Variants in PIK3CB observed in about 807,000 individuals in gnomAD.
PIK3CB encodes the protein phosphatidylinositol 4,5-bisphosphate 3-kinase catalytic subunit beta isoform.
In PIK3CB, 39 loss-of-function variants were observed where a neutral mutation model predicts 136.8. The observed-to-expected ratio is 0.29, with a 90% CI of 0.22 to 0.37. The LOEUF is 0.37. PIK3CB is among the 10% of genes least tolerant of loss of function. PIK3CB has a pLI of 1.00. For missense variants in PIK3CB, 868 were observed against 1,275.4 expected, an observed-to-expected ratio of 0.68 and a Z score of 4.87; for synonymous variants, 428 against 436.6, an observed-to-expected ratio of 0.98 and a Z score of 0.25.
chr3:138,748,374 T>C (rs1054422947), intron 4 of PIK3CB, among the ~76,000 whole-genome samples: 1 of 150,818 alleles, frequency 6.6e-6, no homozygotes, highest in Non-Finnish European at 1.5e-5. Flanking sequence ...AAACCTTCCC[T>C]TTTTTTTCAC....
At chr3:138,757,542 C>T (rs963891699) in intron 3 of PIK3CB, among the ~76,000 whole-genome samples, 2 of 138,128 alleles carry the variant, frequency 1.4e-5, no homozygotes, top group African/African-American at 5.5e-5. Flanking sequence ...CAAACAAGAT[C>T]GTATCTCTTA....
chr3:138,675,198 T>C lies in PIK3CB; in HGVS notation c.2504+6769A>G, dbSNP rs543834776. On this transcript the variant is annotated intron_variant, in intron 19 of 23. Coordinates refer to ENST00000674063, the MANE Select transcript of PIK3CB (RefSeq NM_006219.3). ...AACTGAAATTTTAAAATTCACCAGG[T>C]AGACACAACAGCAGATATGAGCATA... Among the ~76,000 whole-genome samples, 4 of 152,066 alleles carry C rather than the reference T, an allele frequency of 2.6e-5. No individual in the cohort carries two copies. In the East Asian group the frequency reaches 7.7e-4, roughly 29 times the overall value.
intron 2 of PIK3CB, among the ~76,000 whole-genome samples, chr3:138,791,920 A>T (rs547061457): frequency 6.6e-6 from 1 of 152,308 alleles, no homozygotes; most frequent in Non-Finnish European, 1.5e-5. Context: ...CAAGGTATAA[A>T]TCTTCAAAAT....
chr3:138,741,687 G>C (rs996981371), intron 5 of PIK3CB, among the ~76,000 whole-genome samples: 3 of 152,134 alleles, frequency 2.0e-5, no homozygotes, highest in African/African-American at 4.8e-5. Context: ...AATTAGCCAG[G>C]TGTGATGGCA....
chr3:138,663,373 A>C (rs573703766), intron 21 of PIK3CB, among the ~76,000 whole-genome samples: 1 of 152,136 alleles, frequency 6.6e-6, no homozygotes, highest in Non-Finnish European at 1.5e-5. Context: ...CTTTAACTAC[A>C]AAAATTTTTT....
intron 8 of PIK3CB, among the ~76,000 whole-genome samples, chr3:138,722,758 G>C (rs759513356): frequency 1.3e-5 from 2 of 150,304 alleles, no homozygotes; most frequent in African/African-American, 2.4e-5. Flanking sequence ...TACCATCTGT[G>C]TGAACAGCCA....
At chr3:138,779,672 C>A (rs934967744) in intron 2 of PIK3CB, among the ~76,000 whole-genome samples, 2 of 149,868 alleles carry the variant, frequency 1.3e-5, no homozygotes, top group African/African-American at 4.9e-5. Context: ...GGATTACAAG[C>A]ATGAAATCGC....
chr3:138,673,682 A>G (rs1369139295), intron 19 of PIK3CB, among the ~76,000 whole-genome samples: 1 of 151,984 alleles, frequency 6.6e-6, no homozygotes, highest in African/African-American at 2.4e-5. Context: ...GTTTATTTAA[A>G]ACACACACAC....
chr3:138,703,851 T>C (rs1269773619), intron 12 of PIK3CB, among the ~76,000 whole-genome samples: 1 of 152,204 alleles, frequency 6.6e-6, no homozygotes, highest in Non-Finnish European at 1.5e-5. Flanking sequence ...GATGCGTGTG[T>C]ACTTAGGCAT....
At chr3:138,662,027 C>T (rs1047344949) in intron 21 of PIK3CB, among the ~76,000 whole-genome samples, 1 of 151,982 alleles carries the variant, frequency 6.6e-6, no homozygotes, top group Admixed American at 6.6e-5. Flanking sequence ...TCTCCCTTCT[C>T]CCATATATAA....
At chr3:138,661,008 A>G (rs1343830186) in intron 21 of PIK3CB, among the ~76,000 whole-genome samples, 1 of 152,214 alleles carries the variant, frequency 6.6e-6, no homozygotes, top group African/African-American at 2.4e-5. Context: ...GGAACCAATC[A>G]GATTTCTAGA....
chr3:138,690,260 A>C (rs2043980168), intron 15 of PIK3CB, among the ~76,000 whole-genome samples: 1 of 151,980 alleles, frequency 6.6e-6, no homozygotes, highest in African/African-American at 2.4e-5. Context: ...GAAAAAGAAA[A>C]GAAAAGGAAG....
chr3:138,693,966 T>TATTA (rs1457395869), intron 14 of PIK3CB, among the ~76,000 whole-genome samples: 122 of 42,338 alleles, frequency 2.9e-3, no homozygotes, highest in Admixed American at 4.2e-3. Flanking sequence ...TATATATATA[T>TATTA]TATATATATA....
intron 2 of PIK3CB, among the ~76,000 whole-genome samples, chr3:138,791,411 AG>A (rs562144172): frequency 4.1e-4 from 63 of 152,260 alleles, no homozygotes; most frequent in Non-Finnish European, 7.6e-4. Context: ...TTGGGATTAC[AG>A]GCGTGAGCCA....
intron 12 of PIK3CB, among the ~76,000 whole-genome samples, chr3:138,702,104 AT>A (rs10706809): frequency 0.46 from 66,269 of 143,956 alleles, 16,877 homozygotes; most frequent in East Asian, 0.98. Flanking sequence ...TTGGTTTACA[AT>A]TTTTTTTTTT....
At chr3:138,774,507 G>A (rs942436947) in intron 2 of PIK3CB, among the ~76,000 whole-genome samples, 1 of 152,192 alleles carries the variant, frequency 6.6e-6, no homozygotes. Flanking sequence ...GACTAACTGA[G>A]GTGGGTGCTT....
chr3:138,682,260 T>A (rs935912708), intron 18 of PIK3CB, among the ~76,000 whole-genome samples: 1 of 152,254 alleles, frequency 6.6e-6, no homozygotes, highest in South Asian at 2.1e-4. Context: ...TTGTTTGCCA[T>A]GTGTAAGTTA....
intron 8 of PIK3CB, among the ~76,000 whole-genome samples, chr3:138,716,893 CAAAAAAAAAAAAAAAAA>C (rs376627250): frequency 3.6e-4 from 4 of 11,074 alleles, no homozygotes; most frequent in Admixed American, 1.1e-3. Flanking sequence ...GATTGTGTCT[CAAAAAAAAAAAAAAAAA>C]AAAAAAAAAA....
chr3:138,726,668 G>A (rs1307373319), intron 8 of PIK3CB, among the ~76,000 whole-genome samples: 1 of 152,138 alleles, frequency 6.6e-6, no homozygotes, highest in Non-Finnish European at 1.5e-5. Flanking sequence ...TATAAATAAT[G>A]TCATCTTCTA....
Sources: gnomAD v4.1 joint callset for allele counts (sites outside exome capture counted in the v4.1 genomes callset) on GRCh38, gnomAD v4.1.1 for gene constraint, MANE v1.5 for transcripts, NCBI Gene and HGNC (gene_info 2026-07-23, HGNC 2026-07-21) for gene names.